GBE1: variants seen among roughly 807,000 people sequenced by gnomAD.
The protein encoded by GBE1 is 1,4-alpha-glucan branching enzyme 1, also known as 1,4-alpha-glucan-branching enzyme.
GBE1 carries 70 observed loss-of-function variants against 88.8 expected under a neutral mutation model. The observed-to-expected ratio is 0.79, with a 90% CI of 0.65 to 0.96. The LOEUF is 0.96. GBE1 is among the 40% of genes least tolerant of loss of function. The pLI, the probability that GBE1 is intolerant of heterozygous loss-of-function variation, is 0.00. For synonymous variants in GBE1, 284 were observed against 300.1 expected, an observed-to-expected ratio of 0.95 and a Z score of 0.56; for missense variants, 872 against 871.0, an observed-to-expected ratio of 1.00 and a Z score of -0.01.
intron 12 of GBE1, among the ~76,000 whole-genome samples, chr3:81,573,775 C>CTGTGTGTGTG (rs61048893): frequency 2.1e-4 from 32 of 148,894 alleles, no homozygotes; most frequent in South Asian, 4.3e-4. Flanking sequence ...CTCTCTCTCT[C>CTGTGTGTGTG]TGTGTGTGTG....
chr3:81,575,198 G>T (rs573742463), intron 12 of GBE1, among the ~76,000 whole-genome samples: 1 of 150,406 alleles, frequency 6.6e-6, no homozygotes, highest in Non-Finnish European at 1.5e-5. Flanking sequence ...ATGCTATGTC[G>T]ATGTTACTGA....
intron 2 of GBE1, among the ~76,000 whole-genome samples, chr3:81,673,265 C>T (rs1008096496): frequency 1.3e-5 from 2 of 151,784 alleles, no homozygotes; most frequent in Admixed American, 6.6e-5. Context: ...GATCTTTTCC[C>T]GGTTAGGTAG....
At chr3:81,597,464 T>A (rs1266461172) in intron 7 of GBE1, among the ~76,000 whole-genome samples, 4 of 138,598 alleles carry the variant, frequency 2.9e-5, no homozygotes, top group African/African-American at 8.2e-5. Context: ...ATATCTCAAA[T>A]ATATATATAT....
intron 12 of GBE1, among the ~76,000 whole-genome samples, chr3:81,539,408 G>A (rs927750775): frequency 7.2e-5 from 11 of 151,874 alleles, no homozygotes; most frequent in East Asian, 1.9e-4. Context: ...AGGATGAACC[G>A]TATACATTTT....
intron 2 of GBE1, among the ~76,000 whole-genome samples, chr3:81,674,606 C>T (rs147459081): frequency 1.3e-5 from 2 of 151,734 alleles, no homozygotes; most frequent in East Asian, 3.9e-4. Context: ...CTGGTAGACA[C>T]ATTTTAGGGA....
At chr3:81,612,460 T>A (rs1704196336) in intron 7 of GBE1, 4 of 1,001,738 alleles carry the variant, frequency 4.0e-6, no homozygotes, top group Non-Finnish European at 6.2e-6. Flanking sequence ...TGTAACCTGA[T>A]TTAATATCTT....
At chr3:81,760,872 C>A (rs1432111614) in intron 1 of GBE1, among the ~76,000 whole-genome samples, 1 of 152,202 alleles carries the variant, frequency 6.6e-6, no homozygotes, top group Non-Finnish European at 1.5e-5. Flanking sequence ...AAGGAAAAAA[C>A]AAAAGGATAT....
chr3:81,591,191 A>T, intron 8 of GBE1, 27 bp from the exon 9 acceptor site: 10 of 1,552,676 alleles, frequency 6.4e-6, no homozygotes, highest in Non-Finnish European at 8.8e-6. Context: ...CAATACGGAT[A>T]TATTATGTTA....
chr3:81,550,272 C>CT (rs1377612487), intron 12 of GBE1, among the ~76,000 whole-genome samples: 1 of 151,500 alleles, frequency 6.6e-6, no homozygotes, highest in East Asian at 1.9e-4. Context: ...CAGATATCAC[C>CT]TTTTTTTCAG....
chr3:81,502,223 CTCAA>C (rs1300387881), intron 14 of GBE1, among the ~76,000 whole-genome samples: 3 of 152,048 alleles, frequency 2.0e-5, no homozygotes, highest in African/African-American at 4.8e-5. Flanking sequence ...GTATACTTTT[CTCAA>C]TCAAAGGACA....
intron 1 of GBE1, among the ~76,000 whole-genome samples, chr3:81,745,981 C>T (rs1331880178): frequency 6.6e-6 from 1 of 151,986 alleles, no homozygotes; most frequent in South Asian, 2.1e-4. Flanking sequence ...AAACTAAAGG[C>T]TAATTTCATT....
At chr3:81,543,555 A>G (rs962115926) in intron 12 of GBE1, among the ~76,000 whole-genome samples, 1 of 152,140 alleles carries the variant, frequency 6.6e-6, no homozygotes, top group Non-Finnish European at 1.5e-5. Context: ...AGTATCTTCC[A>G]CTAGCTCAAA....
At chr3:81,609,198 T>A (rs1296855174) in intron 7 of GBE1, among the ~76,000 whole-genome samples, 1 of 152,184 alleles carries the variant, frequency 6.6e-6, no homozygotes, top group Non-Finnish European at 1.5e-5. Flanking sequence ...GTCCTTCTTG[T>A]GCCTGTTTTT....
chr3:81,593,564 A>G (rs954151691), intron 8 of GBE1, among the ~76,000 whole-genome samples: 10 of 151,898 alleles, frequency 6.6e-5, no homozygotes, highest in African/African-American at 2.4e-4. Context: ...TCAATGTGTA[A>G]TATGTAAAAA....
intron 11 of GBE1, among the ~76,000 whole-genome samples, chr3:81,580,288 C>T (rs920360493): frequency 2.0e-5 from 3 of 151,888 alleles, no homozygotes; most frequent in African/African-American, 7.3e-5. Context: ...TAGGATCAGT[C>T]ACAGTGCTAA....
At chr3:81,684,556 C>G (rs1705404808) in intron 2 of GBE1, among the ~76,000 whole-genome samples, 1 of 152,070 alleles carries the variant, frequency 6.6e-6, no homozygotes, top group Non-Finnish European at 1.5e-5. Flanking sequence ...TGAGGGCTCT[C>G]CCGTCAAGAT....
chr3:81,675,151 T>A (rs1705235092), intron 2 of GBE1, among the ~76,000 whole-genome samples: 1 of 152,018 alleles, frequency 6.6e-6, no homozygotes, highest in African/African-American at 2.4e-5. Flanking sequence ...TAGAAACAAC[T>A]GCCCTAGTTA....
At chr3:81,670,695 A>T (rs1379145551) in intron 3 of GBE1, 143 bp downstream of exon 3, 1 of 535,686 alleles carries the variant, frequency 1.9e-6, no homozygotes, top group African/African-American at 2.0e-5. Flanking sequence ...TTCCTCCTAA[A>T]TTTCCCTCTA....
rs995069755 is a variant in GBE1 at position 81,720,505 on chromosome 3, A to T, written c.144-14892T>A. ...TCCTCTGCATTGTGTGCATGTCTCA[A>T]TTTATTACATCTCCTCCATTACCTA... is the stretch of plus-strand genomic sequence containing the variant. On this transcript the variant is annotated intron_variant, in intron 1 of 15. Transcript: ENST00000429644. 2.6e-5 allele frequency among the ~76,000 whole-genome samples: 4 copies of T among 152,156 alleles called. No individual in the cohort carries two copies. In the East Asian group the frequency reaches 7.7e-4, roughly 29 times the overall value.
Sources: gnomAD v4.1 joint callset for allele counts (sites outside exome capture counted in the v4.1 genomes callset) on GRCh38, gnomAD v4.1.1 for gene constraint, MANE v1.5 for transcripts, NCBI Gene and HGNC (gene_info 2026-07-23, HGNC 2026-07-21) for gene names.